The following DLGAP2 variants were observed in gnomAD, a reference collection of about 807,000 sequenced individuals.
DLGAP2 encodes disks large-associated protein 2.
In DLGAP2, 26 loss-of-function variants were observed where a neutral mutation model predicts 100.3. The observed-to-expected ratio is 0.26, with a 90% confidence interval of 0.19 to 0.36. The LOEUF (loss-of-function observed/expected upper bound fraction) is 0.36. DLGAP2 is among the 10% of genes least tolerant of loss of function. DLGAP2 has a pLI of 1.00. For missense variants in DLGAP2, 1,858 were observed against 1,453.2 expected (o/e 1.28, Z -4.53); for synonymous variants, 886 against 630.1 (o/e 1.41, Z -6.08).
intron 3 of DLGAP2, among the ~76,000 whole-genome samples, chr8:1,365,321 A>G (rs1363545879): frequency 6.6e-6 from 1 of 152,170 alleles, no homozygotes; most frequent in East Asian, 1.9e-4. Context: ...CCGAGGCTGC[A>G]GGTGGCCCAG....
chr8:1,537,471 C>G (rs1283691230), intron 4 of DLGAP2, among the ~76,000 whole-genome samples: 3 of 152,130 alleles, frequency 2.0e-5, no homozygotes, highest in South Asian at 2.1e-4. Context: ...GCCACCACCA[C>G]CCTGCCCCAG....
At chr8:744,857 C>CGATG (rs1263926881) in intron 1 of DLGAP2, among the ~76,000 whole-genome samples, 5 of 152,198 alleles carry the variant, frequency 3.3e-5, no homozygotes, top group African/African-American at 1.2e-4. Context: ...TCCCCGGCCC[C>CGATG]GATGCCTGAG....
At chr8:1,344,308 G>T (rs1008352109) in intron 3 of DLGAP2, among the ~76,000 whole-genome samples, 2 of 152,204 alleles carry the variant, frequency 1.3e-5, no homozygotes, top group South Asian at 4.1e-4. Context: ...GGTCTGTGCA[G>T]ACAACAGCCT....
At chr8:1,411,404 G>A (rs968366880) in intron 3 of DLGAP2, among the ~76,000 whole-genome samples, 2 of 152,192 alleles carry the variant, frequency 1.3e-5, no homozygotes, top group Non-Finnish European at 2.9e-5. Context: ...ATAAAAGCAC[G>A]AAGGACTTGA....
At chr8:1,505,363 G>C in intron 4 of DLGAP2, among the ~76,000 whole-genome samples, 1 of 152,178 alleles carries the variant, frequency 6.6e-6, no homozygotes, top group Non-Finnish European at 1.5e-5. Flanking sequence ...ATTTGCTTCT[G>C]GTCCTATTTC....
At chr8:1,531,150 C>T (rs946264740) in intron 4 of DLGAP2, among the ~76,000 whole-genome samples, 4 of 151,840 alleles carry the variant, frequency 2.6e-5, no homozygotes, top group Non-Finnish European at 4.4e-5. Context: ...TTTGAAGCAA[C>T]TTAAGTTCCT....
At chr8:1,369,908 G>A (rs1165764465) in intron 3 of DLGAP2, 1 of 152,274 alleles carries the variant, frequency 6.6e-6, no homozygotes, top group African/African-American at 2.4e-5. Context: ...TGCAGAGGCA[G>A]CCGCTGCAGC....
intron 2 of DLGAP2, among the ~76,000 whole-genome samples, chr8:971,607 G>A (rs1036551162): frequency 1.3e-5 from 2 of 152,184 alleles, no homozygotes; most frequent in African/African-American, 4.8e-5. Context: ...CTACTTGTGT[G>A]AGTTTTATTT....
At chr8:946,453 C>T (rs530077735) in intron 2 of DLGAP2, among the ~76,000 whole-genome samples, 88 of 151,740 alleles carry the variant, frequency 5.8e-4, no homozygotes, top group African/African-American at 1.1e-3. Flanking sequence ...TTTGTAGAGA[C>T]GGGGTTTCAC....
chr8:755,027 C>T (rs758909511), intron 1 of DLGAP2, among the ~76,000 whole-genome samples: 1 of 152,116 alleles, frequency 6.6e-6, no homozygotes, highest in Admixed American at 6.5e-5. Flanking sequence ...CTGGTGGATA[C>T]AAAAGAGGAC....
At chr8:1,453,609 G>A (rs556155586) in intron 3 of DLGAP2, among the ~76,000 whole-genome samples, 28 of 152,246 alleles carry the variant, frequency 1.8e-4, no homozygotes, top group Non-Finnish European at 3.5e-4. Context: ...GTCTCTTGGG[G>A]TCCCTTGCAA....
Position 1,013,614 on chromosome 8 carries a change from G to A in DLGAP2, c.73+105648G>A, listed in dbSNP as rs1236568850. On this transcript the variant is annotated intron_variant, in intron 2 of 14. Transcript: ENST00000637795. Reference sequence around the variant, plus strand: ...GACAGACGGCGCCTCCACTGTGTGTGTGACCAGGACAGACGGTGCCTCCAC... The same window carrying A: ...GACAGACGGCGCCTCCACTGTGTGTATGACCAGGACAGACGGTGCCTCCAC... Among the ~76,000 whole-genome samples, 170 of 145,160 alleles carry A rather than the reference G, an allele frequency of 1.2e-3. 3 individuals are homozygous for A. The highest frequency in any genetic ancestry group is 4.2e-3 in the African/African-American group (151 of 36,094).
intron 2 of DLGAP2, among the ~76,000 whole-genome samples, chr8:1,108,055 T>C (rs543768014): frequency 2.6e-5 from 4 of 152,326 alleles, no homozygotes; most frequent in African/African-American, 4.8e-5. Context: ...TTTCTTTTTA[T>C]TGTTGCTTTT....
intron 8 of DLGAP2, among the ~76,000 whole-genome samples, chr8:1,658,424 A>T (rs1475620979): frequency 6.6e-6 from 1 of 152,188 alleles, no homozygotes. Context: ...TCTGGGATAC[A>T]TGTGCAGAAC....
At chr8:1,682,580 T>G (rs1798980762) in intron 12 of DLGAP2, among the ~76,000 whole-genome samples, 1 of 151,846 alleles carries the variant, frequency 6.6e-6, no homozygotes, top group South Asian at 2.1e-4. Flanking sequence ...GTTCAAGTGA[T>G]TCTCCTGCCT....
intron 2 of DLGAP2, among the ~76,000 whole-genome samples, chr8:1,194,402 C>T (rs558603147): frequency 7.9e-5 from 12 of 152,246 alleles, no homozygotes; most frequent in Admixed American, 2.0e-4. Flanking sequence ...CCATGCTCAC[C>T]GTGTCTAGGC....
intron 4 of DLGAP2, 150 bp downstream of exon 4, chr8:1,501,581 T>C (rs1339514065): frequency 5.1e-6 from 4 of 789,590 alleles, no homozygotes; most frequent in African/African-American, 3.5e-5. Context: ...GCGGCACTTT[T>C]TTCCAAAAAT....
In DLGAP2 at chr8:1,388,532, A is replaced by G. The variant is rs1173237520; in HGVS notation, c.107-112834A>G. ...GCCGTGGATGAGGAGGCGCTGGTTCAGGTGTCAGGGCTTTGAGAGGCAGAG... is the reference window on the plus strand; with the variant it reads ...GCCGTGGATGAGGAGGCGCTGGTTCGGGTGTCAGGGCTTTGAGAGGCAGAG... On this transcript the variant is annotated intron_variant, in intron 3 of 14. Coordinates refer to ENST00000637795, the MANE Select transcript of DLGAP2 (RefSeq NM_001346810.2). 2.9e-5 allele frequency among the ~76,000 whole-genome samples: 2 copies of G among 68,274 alleles called. 1 individual carries two copies. Among genetic ancestry groups the G allele is most frequent in the Non-Finnish European group, 5.8e-5 (2 of 34,594 alleles). 44.8% of individuals were successfully genotyped at this position (68,274 alleles called of 152,430 possible).
At chr8:1,357,837 C>A (rs1488659108) in intron 3 of DLGAP2, among the ~76,000 whole-genome samples, 1 of 152,152 alleles carries the variant, frequency 6.6e-6, no homozygotes, top group Non-Finnish European at 1.5e-5. Flanking sequence ...GGCCTCAGAG[C>A]ACAGGGAGGG....
Sources: gnomAD v4.1 joint callset for allele counts (sites outside exome capture counted in the v4.1 genomes callset) on GRCh38, gnomAD v4.1.1 for gene constraint, MANE v1.5 for transcripts, NCBI Gene and HGNC (gene_info 2026-07-23, HGNC 2026-07-21) for gene names.